CPEB1: variants seen among roughly 807,000 people sequenced by gnomAD.
CPEB1 encodes the protein cytoplasmic polyadenylation element-binding protein 1.
Under a neutral mutation model 65.8 loss-of-function variants are expected in CPEB1, and 7 were observed. That is an observed-to-expected ratio of 0.11 (90% CI 0.06 to 0.20). CPEB1 has a LOEUF of 0.20. CPEB1 is among the 10% of genes least tolerant of loss of function. The pLI is 1.00. For missense variants in CPEB1, 551 were observed against 712.2 expected, an observed-to-expected ratio of 0.77 and a Z score of 2.58; for synonymous variants, 262 against 260.0, an observed-to-expected ratio of 1.01 and a Z score of -0.08.
intron 3 of CPEB1, among the ~76,000 whole-genome samples, chr15:82,605,529 A>C (rs1297317072): frequency 6.6e-6 from 1 of 152,100 alleles, no homozygotes; most frequent in Non-Finnish European, 1.5e-5. Flanking sequence ...CTATAGTTGT[A>C]CTTGCTGAGA....
intron 1 of CPEB1, among the ~76,000 whole-genome samples, chr15:82,644,020 G>C (rs898972854): frequency 9.9e-5 from 15 of 152,160 alleles, no homozygotes; most frequent in African/African-American, 3.6e-4. Flanking sequence ...CTGAAAAAAA[G>C]GAGCCTTTTG....
chr15:82,598,765 A>G (rs1157945716), intron 3 of CPEB1, among the ~76,000 whole-genome samples: 1 of 152,192 alleles, frequency 6.6e-6, no homozygotes, highest in African/African-American at 2.4e-5. Flanking sequence ...AGTCTGGGTG[A>G]CAGAGCGAGA....
chr15:82,565,676 G>T (rs577263017), intron 4 of CPEB1, among the ~76,000 whole-genome samples: 1 of 152,310 alleles, frequency 6.6e-6, no homozygotes, highest in South Asian at 2.1e-4. Flanking sequence ...AGAGGAGGGG[G>T]AGGGGTGGTG....
At chr15:82,545,291 G>A (rs1329055325) in intron 12 of CPEB1, among the ~76,000 whole-genome samples, 1 of 152,148 alleles carries the variant, frequency 6.6e-6, no homozygotes, top group African/African-American at 2.4e-5. Context: ...CTTGGTCTCA[G>A]GCTTTAACTA....
At position 82,627,322 on chromosome 15, in the gene CPEB1, C is replaced by T. The variant is rs61733713; in HGVS notation, c.142G>A (p.Ala48Thr). ...RIKDCWDNQE[A>T]PALSTCSNAN... is the part of the protein sequence containing the mutation. ...TTACTACACGTGGAGAGAGCAGGTGCTTCCTGGTTGTCCCAGCAATCTTTT... is the reference window on the plus strand; with the variant it reads ...TTACTACACGTGGAGAGAGCAGGTGTTTCCTGGTTGTCCCAGCAATCTTTT... Residue 48 changes from alanine (A) to threonine (T), a missense_variant, in exon 3 of 13, where the codon GCA (alanine) becomes ACA (threonine). Transcript: ENST00000684509. The T allele has an allele frequency of 0.013, 20,499 of 1,613,266 alleles. 196 individuals are homozygous for T. Among genetic ancestry groups the T allele is most frequent in the Middle Eastern group, 0.018 (109 of 6,060 alleles).
intron 3 of CPEB1, among the ~76,000 whole-genome samples, chr15:82,592,402 A>G (rs1169039610): frequency 6.6e-6 from 1 of 151,664 alleles, no homozygotes. Context: ...AGCCTAGGCT[A>G]CATGGTGAAA....
At chr15:82,625,395 C>T (rs2045671823) in intron 3 of CPEB1, among the ~76,000 whole-genome samples, 1 of 151,978 alleles carries the variant, frequency 6.6e-6, no homozygotes, top group Admixed American at 6.6e-5. Context: ...CTCCCTCAAA[C>T]ATTACGCTAT....
intron 1 of CPEB1, among the ~76,000 whole-genome samples, chr15:82,643,655 A>G (rs2047274565): frequency 8.7e-6 from 1 of 114,638 alleles, no homozygotes; most frequent in Non-Finnish European, 2.1e-5. Context: ...AATGAAATAT[A>G]GGAAAAAAAA....
At chr15:82,565,103 A>C (rs1013351694) in intron 4 of CPEB1, among the ~76,000 whole-genome samples, 4 of 152,194 alleles carry the variant, frequency 2.6e-5, no homozygotes, top group Middle Eastern at 3.2e-3. Context: ...GATACCAAGA[A>C]GACAAGAGGC....
upstream of CPEB1, chr15:82,647,771 C>T: frequency 2.6e-6 from 3 of 1,171,450 alleles, no homozygotes; most frequent in East Asian, 6.8e-5. Flanking sequence ...GGGGGTACCG[C>T]GGCGCCGGAC....
intron 10 of CPEB1, chr15:82,548,629 C>T (rs143175269): frequency 4.7e-6 from 2 of 429,608 alleles, no homozygotes; most frequent in South Asian, 1.6e-5. Flanking sequence ...AAGGGTAAGC[C>T]CAGCAGTTGA....
chr15:82,616,300 A>T (rs1425157190), intron 3 of CPEB1, among the ~76,000 whole-genome samples: 1 of 152,126 alleles, frequency 6.6e-6, no homozygotes, highest in African/African-American at 2.4e-5. Flanking sequence ...ATTTACATAA[A>T]AATGTAAAAC....
intron 3 of CPEB1, among the ~76,000 whole-genome samples, chr15:82,574,592 AC>A (rs1417725273): frequency 6.6e-6 from 1 of 151,884 alleles, no homozygotes; most frequent in Non-Finnish European, 1.5e-5. Context: ...ACAGTGGCAC[AC>A]GCCTGCAGTC....
At chr15:82,550,801 T>C (rs2036104526) in intron 9 of CPEB1, among the ~76,000 whole-genome samples, 1 of 152,152 alleles carries the variant, frequency 6.6e-6, no homozygotes, top group Non-Finnish European at 1.5e-5. Flanking sequence ...AGATTGGCTA[T>C]ATTGGCTATG....
intron 1 of CPEB1, among the ~76,000 whole-genome samples, chr15:82,630,609 A>C (rs547451036): frequency 1.3e-5 from 2 of 152,114 alleles, no homozygotes; most frequent in East Asian, 3.9e-4. Context: ...CTGTCTCAAA[A>C]AAAAAAAGAA....
In CPEB1 at chr15:82,612,422, G is replaced by A. The variant is rs1024994212; in HGVS notation, c.271+14771C>T. ...TGAGGCAGGAGAATCGCTTGAGCCC[G>A]GGAGGCAGAGGTTGTAGTGAGCTGA... is the stretch of plus-strand genomic sequence containing the variant. On this transcript the variant is annotated intron_variant, in intron 3 of 12. Transcript: ENST00000684509. Among the ~76,000 whole-genome samples, 8 of 151,362 alleles carry A rather than the reference G, an allele frequency of 5.3e-5. No homozygotes were observed. In the East Asian group the frequency reaches 5.8e-4, roughly 11 times the overall value.
At chr15:82,592,063 C>T (rs1369237573) in intron 3 of CPEB1, among the ~76,000 whole-genome samples, 4 of 151,386 alleles carry the variant, frequency 2.6e-5, no homozygotes, top group African/African-American at 9.7e-5. Flanking sequence ...AGGCTGGTCT[C>T]GAACTCTGGC....
intron 4 of CPEB1, among the ~76,000 whole-genome samples, chr15:82,563,357 C>CTTTTTTTT (rs71453394): frequency 3.7e-4 from 34 of 92,032 alleles, no homozygotes; most frequent in Non-Finnish European, 4.4e-4. Flanking sequence ...CATCTCTATT[C>CTTTTTTTT]TTTTTTTTTT....
intron 3 of CPEB1, among the ~76,000 whole-genome samples, chr15:82,588,929 T>G (rs757770446): frequency 6.6e-6 from 1 of 152,214 alleles, no homozygotes; most frequent in Non-Finnish European, 1.5e-5. Flanking sequence ...TCATGTTAAT[T>G]GTCCCTCTTT....
Sources: gnomAD v4.1 joint callset for allele counts (sites outside exome capture counted in the v4.1 genomes callset) on GRCh38, gnomAD v4.1.1 for gene constraint, MANE v1.5 for transcripts, NCBI Gene and HGNC (gene_info 2026-07-23, HGNC 2026-07-21) for gene names.